The following PDS5A variants were observed in gnomAD, a reference collection of about 807,000 sequenced individuals.
The protein encoded by PDS5A is sister chromatid cohesion protein PDS5 homolog A.
Under a neutral mutation model 167.1 loss-of-function variants are expected in PDS5A, and 42 were observed. The ratio of observed to expected loss-of-function variants is 0.25; its 90% confidence interval spans 0.20 to 0.33. The LOEUF (loss-of-function observed/expected upper bound fraction) is 0.33. Among genes scored for constraint, PDS5A ranks in the 10% least tolerant of loss-of-function variants. The probability of loss-of-function intolerance (pLI) is 1.00; values close to 1 mark genes in which losing one functional copy is unlikely to be tolerated. For synonymous variants in PDS5A, 553 were observed against 554.6 expected (o/e 1.00, Z 0.04); for missense variants, 1,033 against 1,605.9 (o/e 0.64, Z 6.10).
intron 16 of PDS5A, among the ~76,000 whole-genome samples, chr4:39,896,053 A>T (rs1319874826): frequency 7.0e-6 from 1 of 143,434 alleles, no homozygotes; most frequent in African/African-American, 2.6e-5. Flanking sequence ...CTTTTAAAAA[A>T]ATTTTTGGAG....
At chr4:39,957,910 C>T (rs1394127204) in intron 2 of PDS5A, among the ~76,000 whole-genome samples, 1 of 151,994 alleles carries the variant, frequency 6.6e-6, no homozygotes, top group East Asian at 1.9e-4. Context: ...AATCCCAGCA[C>T]TTTGGGAGAC....
At chr4:39,940,617 G>A (rs952977204) in intron 2 of PDS5A, among the ~76,000 whole-genome samples, 4 of 152,292 alleles carry the variant, frequency 2.6e-5, no homozygotes, top group South Asian at 2.1e-4. Flanking sequence ...AAGAAGAGAC[G>A]AGGAGGAACA....
At chr4:39,886,931 C>T (rs898679375) in intron 17 of PDS5A, among the ~76,000 whole-genome samples, 2 of 151,422 alleles carry the variant, frequency 1.3e-5, no homozygotes, top group African/African-American at 2.4e-5. Flanking sequence ...TGTTTGCTGT[C>T]GGCATACGTA....
chr4:39,850,011 GC>G (rs1717976733), intron 26 of PDS5A, among the ~76,000 whole-genome samples: 2 of 152,092 alleles, frequency 1.3e-5, no homozygotes, highest in Admixed American at 1.3e-4. Flanking sequence ...GGTGGCTCAT[GC>G]CTGTAATCCT....
intron 26 of PDS5A, among the ~76,000 whole-genome samples, chr4:39,852,091 G>C (rs1271671564): frequency 6.6e-6 from 1 of 152,176 alleles, no homozygotes; most frequent in Non-Finnish European, 1.5e-5. Flanking sequence ...ATTGTCTTGT[G>C]ATAAGAATGC....
chr4:39,881,986 T>C (rs1393151050), intron 17 of PDS5A, among the ~76,000 whole-genome samples: 4 of 152,178 alleles, frequency 2.6e-5, no homozygotes, highest in Non-Finnish European at 4.4e-5. Flanking sequence ...CTCTTGCCTG[T>C]CACCATGTAA....
At chr4:39,871,465 C>T (rs976843882) in intron 21 of PDS5A, among the ~76,000 whole-genome samples, 1 of 152,100 alleles carries the variant, frequency 6.6e-6, no homozygotes, top group Non-Finnish European at 1.5e-5. Context: ...TTGTCTGCTG[C>T]GTTCAAAAGT....
intron 2 of PDS5A, among the ~76,000 whole-genome samples, chr4:39,949,833 A>AAAAAAAAAAAAAAAAAAAAAAAAAAC (rs1728175639): frequency 6.6e-6 from 1 of 150,884 alleles, no homozygotes; most frequent in South Asian, 2.1e-4. Context: ...AAAAAAAAAA[A>AAAAAAAAAAAAAAAAAAAAAAAAAAC]AAGAAAAACA....
intron 18 of PDS5A, 38 bp from the exon 19 acceptor site, chr4:39,877,191 G>A: frequency 1.5e-6 from 2 of 1,322,776 alleles, no homozygotes; most frequent in South Asian, 1.6e-5. Context: ...TACAGACAAT[G>A]GTTTTAATCC....
chr4:39,854,132 T>C (rs1487663994), intron 26 of PDS5A, among the ~76,000 whole-genome samples: 3 of 151,868 alleles, frequency 2.0e-5, no homozygotes, highest in Non-Finnish European at 4.4e-5. Flanking sequence ...CGAAACTCCA[T>C]CTCTTAAAAA....
At chr4:39,932,450 T>C (rs1726163080) in intron 2 of PDS5A, 1 of 211,074 alleles carries the variant, frequency 4.7e-6, no homozygotes, top group South Asian at 1.0e-4. Context: ...GCTTCATAAA[T>C]ACACACAACC....
chr4:39,834,833 G>C (rs745750348), intron 32 of PDS5A, among the ~76,000 whole-genome samples: 1 of 152,072 alleles, frequency 6.6e-6, no homozygotes, highest in East Asian at 1.9e-4. Context: ...ACTTTCTCAC[G>C]TTCCCCGATT....
intron 2 of PDS5A, among the ~76,000 whole-genome samples, chr4:39,949,301 C>CAAAAAAA (rs71645201): frequency 2.1e-4 from 20 of 93,886 alleles, no homozygotes; most frequent in Non-Finnish European, 2.6e-4. Flanking sequence ...GAACCTATCT[C>CAAAAAAA]AAAAAAAAAA....
chr4:39,838,989 G>A (rs1716695752), intron 31 of PDS5A, among the ~76,000 whole-genome samples: 1 of 151,790 alleles, frequency 6.6e-6, no homozygotes, highest in Non-Finnish European at 1.5e-5. Flanking sequence ...ACTCTGTCTT[G>A]GGGGGAAAAA....
intron 29 of PDS5A, 128 bp downstream of exon 29, chr4:39,845,690 A>T: frequency 9.5e-7 from 1 of 1,055,238 alleles, no homozygotes; most frequent in Non-Finnish European, 1.2e-6. Flanking sequence ...TAGATGCTTT[A>T]AATCCATAAT....
At chr4:39,897,792 G>A (rs1191577609) in intron 16 of PDS5A, among the ~76,000 whole-genome samples, 2 of 151,502 alleles carry the variant, frequency 1.3e-5, no homozygotes, top group African/African-American at 2.4e-5. Flanking sequence ...ATGAGCACAG[G>A]ACTTTAACGC....
chr4:39,964,716 C>T (rs1729813820), intron 2 of PDS5A, among the ~76,000 whole-genome samples: 1 of 150,278 alleles, frequency 6.7e-6, no homozygotes, highest in Admixed American at 6.6e-5. Flanking sequence ...ATAAAATATG[C>T]CCTGGTGTGG....
chr4:39,955,975 CATG>C (rs1335992630), intron 2 of PDS5A, among the ~76,000 whole-genome samples: 2 of 151,880 alleles, frequency 1.3e-5, no homozygotes, highest in Non-Finnish European at 2.9e-5. Context: ...ATTAGCCAGA[CATG>C]GTGGTGGCAC....
chr4:39,938,453 G>A (rs910599170), intron 2 of PDS5A, among the ~76,000 whole-genome samples: 1 of 152,134 alleles, frequency 6.6e-6, no homozygotes, highest in Non-Finnish European at 1.5e-5. Flanking sequence ...TACTCGGGAG[G>A]CTGAGGCAGG....
Sources: allele counts gnomAD v4.1 joint callset (sites outside exome capture counted in the v4.1 genomes callset), GRCh38; gene constraint gnomAD v4.1.1; transcripts MANE v1.5; gene names NCBI Gene and HGNC (gene_info 2026-07-23, HGNC 2026-07-21).